IL6R: variants seen among roughly 807,000 people sequenced by gnomAD.
IL6R encodes interleukin 6 receptor.
In IL6R, 38 loss-of-function variants were observed where a neutral mutation model predicts 48.3. The ratio of observed to expected loss-of-function variants is 0.79; its 90% confidence interval spans 0.61 to 1.03. The LOEUF (loss-of-function observed/expected upper bound fraction) is 1.03. IL6R is among the 50% of genes least tolerant of loss of function. The pLI, the probability that IL6R is intolerant of heterozygous loss-of-function variation, is 0.00. For synonymous variants in IL6R, 264 were observed against 256.2 expected, an observed-to-expected ratio of 1.03 and a Z score of -0.29; for missense variants, 534 against 618.3, an observed-to-expected ratio of 0.86 and a Z score of 1.45.
intron 1 of IL6R, among the ~76,000 whole-genome samples, chr1:154,412,866 C>A (rs1409651113): frequency 6.6e-6 from 1 of 151,770 alleles, no homozygotes; most frequent in African/African-American, 2.4e-5. Context: ...AGGGTTGGAA[C>A]TTGGGTATAT....
intron 6 of IL6R, among the ~76,000 whole-genome samples, chr1:154,436,434 C>T (rs938024736): frequency 4.6e-5 from 7 of 152,290 alleles, no homozygotes; most frequent in African/African-American, 1.7e-4. Context: ...GCCGAAATCG[C>T]GCCACTGCAC....
intron 1 of IL6R, among the ~76,000 whole-genome samples, chr1:154,421,863 C>T (rs1373697399): frequency 6.6e-6 from 1 of 152,188 alleles, no homozygotes; most frequent in Non-Finnish European, 1.5e-5. Flanking sequence ...ACAAACGATC[C>T]TCCCATCTCA....
intron 1 of IL6R, chr1:154,418,346 T>G: frequency 1.1e-6 from 1 of 910,414 alleles, no homozygotes. Context: ...GCATTACCTG[T>G]TTATGGGTCC....
chr1:154,462,549 T>C (rs979658113), intron 9 of IL6R, among the ~76,000 whole-genome samples: 1 of 151,854 alleles, frequency 6.6e-6, no homozygotes, highest in Non-Finnish European at 1.5e-5. Context: ...AATTTTTGTA[T>C]TTTTTAATAG....
chr1:154,436,470 C>G (rs1381720875), intron 6 of IL6R, among the ~76,000 whole-genome samples: 3 of 152,214 alleles, frequency 2.0e-5, no homozygotes, highest in Non-Finnish European at 4.4e-5. Flanking sequence ...AAGAACGAAA[C>G]TCCGTCTCAA....
chr1:154,405,762 G>A lies in IL6R; in HGVS notation c.85+48G>A, dbSNP rs1182447122. The stretch of plus-strand genomic sequence containing the variant: ...GAGGGCTGGGGCAGCTAGCGGCTGG[G>A]GGAAACCGCCTTGGTCACCGCAGTC... On this transcript the variant is annotated intron_variant, in intron 1 of 9. Coordinates refer to ENST00000368485, the MANE Select transcript of IL6R (RefSeq NM_000565.4). This position sits in a 1 kb window ranked among gnomAD's most constrained non-coding sequence, Gnocchi z 5.2. 7.5e-7 allele frequency: 1 copy of A among 1,329,610 alleles called. No individual in the cohort carries two copies. Among genetic ancestry groups the A allele is most frequent in the Non-Finnish European group, 9.8e-7 (1 of 1,017,576 alleles). The allele number at this position is 1,329,610 out of a possible 1,614,324, so 82.4% of individuals were successfully genotyped here.
In IL6R at chr1:154,430,490, C is replaced by T. The variant is rs143961356; in HGVS notation, c.342C>T (p.Pro114=). The T allele has an allele frequency of 3.8e-5, 62 of 1,613,498 alleles. No homozygotes were observed. Among genetic ancestry groups the T allele is most frequent in the South Asian group, 2.2e-4 (20 of 91,042 alleles). The part of the protein sequence containing the change: ...GTVHLLVDVP[P]EEPQLSCFRK... ...GCAATGCTTTCCTTTCAGTTCCCCC[C>T]GAGGAGCCCCAGCTCTCCTGCTTCC... The change falls in exon 3 of 10, where the codon CCC becomes CCT. Residue 114 remains proline (P), a synonymous_variant. Coordinates refer to ENST00000368485, the MANE Select transcript of IL6R (RefSeq NM_000565.4).
rs369824360 is a variant in IL6R at position 154,432,225 on chromosome 1, A to T, written c.458+1619A>T. Among the ~76,000 whole-genome samples the T allele has an allele frequency of 1.2e-3, 184 of 152,350 alleles. 2 individuals are homozygous for T. In the South Asian group the frequency reaches 0.022, roughly 18 times the overall value. On this transcript the variant is annotated intron_variant, in intron 3 of 9. Transcript: ENST00000368485. ...AGCCTGGATAGCTTCACAGCCCAGCAAAGGATACACCTTGTTTGTACCTCA... is the reference window on the plus strand; with the variant it reads ...AGCCTGGATAGCTTCACAGCCCAGCTAAGGATACACCTTGTTTGTACCTCA...
At chr1:154,430,393 C>T (rs1689225698) in intron 2 of IL6R, 90 bp from the exon 3 acceptor site, 84 of 1,512,818 alleles carry the variant, frequency 5.6e-5, no homozygotes, top group Non-Finnish European at 7.3e-5. Flanking sequence ...CAGCCACGTG[C>T]TCCCCTCAAG....
At chr1:154,418,623 G>A (rs904844639) in intron 1 of IL6R, among the ~76,000 whole-genome samples, 17 of 152,202 alleles carry the variant, frequency 1.1e-4, no homozygotes, top group African/African-American at 3.4e-4. Context: ...TTGACTTGCC[G>A]TAGCCTGCGG....
intron 6 of IL6R, among the ~76,000 whole-genome samples, chr1:154,437,061 T>A (rs983982853): frequency 6.6e-6 from 1 of 152,178 alleles, no homozygotes; most frequent in East Asian, 1.9e-4. Flanking sequence ...ATACATATAT[T>A]TTAAAACTCC....
At chr1:154,428,713 G>A (rs1689112845) in intron 1 of IL6R, among the ~76,000 whole-genome samples, 1 of 152,208 alleles carries the variant, frequency 6.6e-6, no homozygotes, top group Admixed American at 6.5e-5. Context: ...TGCAGAATGA[G>A]GGCCTAGTGG....
chr1:154,415,678 AC>A (rs1388666004), intron 1 of IL6R, among the ~76,000 whole-genome samples: 1 of 152,212 alleles, frequency 6.6e-6, no homozygotes, highest in African/African-American at 2.4e-5. Context: ...TGGTAAAAAC[AC>A]ATAATATAAA....
At chr1:154,416,266 A>G (rs1688342123) in intron 1 of IL6R, among the ~76,000 whole-genome samples, 1 of 151,836 alleles carries the variant, frequency 6.6e-6, no homozygotes, top group African/African-American at 2.4e-5. Flanking sequence ...AGTAGCCAGG[A>G]CCACAGGTGC....
At chr1:154,432,273 T>A (rs1400315670) in intron 3 of IL6R, among the ~76,000 whole-genome samples, 1 of 152,186 alleles carries the variant, frequency 6.6e-6, no homozygotes, top group Non-Finnish European at 1.5e-5. Context: ...ATAGATAGGA[T>A]TAGCCAGGAT....
chr1:154,429,436 T>C lies in IL6R; in HGVS notation c.326T>C (p.Leu109Pro). Residue 109 changes from leucine to proline, a missense_variant, in exon 2 of 10, where the codon CTG becomes CCG. Physicochemically the swap from Leu to Pro is moderately conservative, Grantham distance 98. Transcript: ENST00000368485. The part of the protein sequence containing the change: ...AGRPAGTVHL[L>P]VDVPPEEPQL... ...CGCCCAGCTGGGACTGTGCACTTGC[T>C]GGTGGATGGTGAGTTGTGCCTCAGA... The C allele has an allele frequency of 6.2e-7, 1 of 1,609,106 alleles. No homozygotes were observed. The highest frequency in any genetic ancestry group is 8.5e-7 in the Non-Finnish European group (1 of 1,175,956).
chr1:154,428,393 G>A (rs1232727790), intron 1 of IL6R, among the ~76,000 whole-genome samples: 1 of 152,140 alleles, frequency 6.6e-6, no homozygotes, highest in Non-Finnish European at 1.5e-5. Context: ...GGGCATCTGG[G>A]CCAGTCTCTT....
intron 1 of IL6R, among the ~76,000 whole-genome samples, chr1:154,415,418 A>G (rs1369219991): frequency 2.0e-5 from 3 of 152,182 alleles, no homozygotes; most frequent in African/African-American, 4.8e-5. Context: ...TCAAAGTTAC[A>G]TTTTAAATCT....
rs779542410 is a variant in IL6R at position 154,454,557 on chromosome 1, T to C, written c.1136T>C (p.Leu379Pro). Reference protein sequence around the residue: ...VAGGSLAFGTLLCIAIVLRFK... With the variant: ...VAGGSLAFGTPLCIAIVLRFK... The stretch of plus-strand genomic sequence containing the variant: ...GGAGGGAGCCTGGCCTTCGGAACGC[T>C]CCTCTGCATTGCCATTGTTCTGAGG... The change falls in exon 9 of 10, where the codon CTC becomes CCC. Residue 379 changes from leucine (L) to proline (P), a missense_variant. Transcript: ENST00000368485. 6.2e-7 allele frequency: 1 copy of C among 1,613,404 alleles called. No homozygotes were observed. The highest frequency in any genetic ancestry group is 1.7e-5 in the Admixed American group (1 of 60,014).
Sources: allele counts gnomAD v4.1 joint callset (sites outside exome capture counted in the v4.1 genomes callset), GRCh38; gene constraint gnomAD v4.1.1; non-coding constraint Gnocchi (gnomAD v3.1); transcripts MANE v1.5; gene names NCBI Gene and HGNC (gene_info 2026-07-23, HGNC 2026-07-21).